ANKIB1: variants seen among roughly 807,000 people sequenced by gnomAD.
ANKIB1 encodes the protein ankyrin repeat and IBR domain-containing protein 1.
Under a neutral mutation model 122.1 loss-of-function variants are expected in ANKIB1, and 43 were observed. The ratio of observed to expected loss-of-function variants is 0.35; its 90% CI spans 0.28 to 0.45. The LOEUF (loss-of-function observed/expected upper bound fraction) is 0.45, where lower values mean the gene tolerates loss of function less well. Ranked by LOEUF, ANKIB1 falls within the 20% of genes least tolerant of loss-of-function variation. The pLI is 1.00. For missense variants in ANKIB1, 992 were observed against 1,329.5 expected, an observed-to-expected ratio of 0.75 and a Z score of 3.95; for synonymous variants, 390 against 442.0, an observed-to-expected ratio of 0.88 and a Z score of 1.48.
intron 1 of ANKIB1, among the ~76,000 whole-genome samples, chr7:92,273,438 T>C (rs939605840): frequency 1.3e-5 from 2 of 152,332 alleles, no homozygotes; most frequent in Admixed American, 6.5e-5. Flanking sequence ...GATTTATTAC[T>C]ATGAGTTTCA....
At position 92,288,035 on chromosome 7, in the gene ANKIB1, CAAA is replaced by C. The variant is rs35766675; in HGVS notation, c.-90-6834_-90-6832del. Among the ~76,000 whole-genome samples the C allele has an allele frequency of 6.7e-5, 6 of 90,180 alleles. No homozygotes were observed. In the East Asian group the frequency reaches 1.1e-3, roughly 16 times the overall value. The allele number at this position is 90,180 out of a possible 152,430, so 59.2% of individuals were successfully genotyped here. A position where few individuals can be genotyped will look rare whatever the true frequency, so the allele number is the denominator to read the frequency against. ...TGGGCGACAGAGCAAGACTCCGTCT[CAAA>C]AAAAAAAAAAAAAAAAAAACTGCCA... is the stretch of plus-strand genomic sequence containing the variant. On this transcript the variant is annotated intron_variant, in intron 1 of 19. Coordinates refer to ENST00000265742, the MANE Select transcript of ANKIB1 (RefSeq NM_019004.2).
At chr7:92,262,487 T>A (rs900156081) in intron 1 of ANKIB1, among the ~76,000 whole-genome samples, 8 of 152,274 alleles carry the variant, frequency 5.3e-5, no homozygotes, top group Admixed American at 4.6e-4. Flanking sequence ...ATAGCAGAAT[T>A]TGATTATTAT....
At chr7:92,373,513 A>G (rs1462956864) in intron 11 of ANKIB1, among the ~76,000 whole-genome samples, 2 of 152,234 alleles carry the variant, frequency 1.3e-5, no homozygotes, top group African/African-American at 4.8e-5. Flanking sequence ...CTTATAAGCT[A>G]TGTAAATGTA....
chr7:92,284,542 T>C (rs1802077332), intron 1 of ANKIB1, among the ~76,000 whole-genome samples: 1 of 152,238 alleles, frequency 6.6e-6, no homozygotes, highest in Non-Finnish European at 1.5e-5. Flanking sequence ...GTTTGACATC[T>C]CAGTTCTTAA....
chr7:92,373,974 T>C (rs983198824), intron 11 of ANKIB1, among the ~76,000 whole-genome samples: 2 of 152,206 alleles, frequency 1.3e-5, no homozygotes, highest in African/African-American at 2.4e-5. Flanking sequence ...CATTATAAAA[T>C]GTAGAAGATT....
At chr7:92,262,009 C>G (rs1020406260) in intron 1 of ANKIB1, among the ~76,000 whole-genome samples, 60 of 152,166 alleles carry the variant, frequency 3.9e-4, no homozygotes, top group African/African-American at 1.4e-3. Flanking sequence ...GGCTGTTATA[C>G]TGTGCCCTTC....
chr7:92,272,891 A>G (rs769044535), intron 1 of ANKIB1, among the ~76,000 whole-genome samples: 21 of 152,190 alleles, frequency 1.4e-4, no homozygotes, highest in African/African-American at 3.6e-4. Context: ...CTCCTAGGCT[A>G]TAAACCTGTA....
Position 92,343,144 on chromosome 7 carries a change from C to T in ANKIB1, c.908C>T (p.Pro303Leu), listed in dbSNP as rs1275236308. ...PSGYNAWDTL[P>L]SPRTPRTTRS... ...GGGTATAATGCCTGGGACACGCTCC[C>T]ATCTCCAAGAACTCCAAGGACTACA... The change falls in exon 6 of 20, where the codon CCA (proline) becomes CTA (leucine). Residue 303 changes from proline (P) to leucine (L), a missense_variant. Transcript: ENST00000265742. The T allele has an allele frequency of 6.2e-7, 1 of 1,613,956 alleles. No individual in the cohort carries two copies. The highest frequency in any genetic ancestry group is 8.5e-7 in the Non-Finnish European group (1 of 1,179,862).
At chr7:92,369,308 G>A (rs1050049584) in intron 10 of ANKIB1, among the ~76,000 whole-genome samples, 3 of 152,112 alleles carry the variant, frequency 2.0e-5, no homozygotes, top group South Asian at 2.1e-4. Context: ...GTTCATTACC[G>A]CTGTTTCTCT....
chr7:92,322,392 C>A (rs911992784), intron 4 of ANKIB1, among the ~76,000 whole-genome samples: 2 of 151,950 alleles, frequency 1.3e-5, no homozygotes, highest in Non-Finnish European at 2.9e-5. Flanking sequence ...CTACTATGTA[C>A]AAGAAGAATA....
At chr7:92,352,449 T>G (rs1324292882) in intron 8 of ANKIB1, 27 bp from the exon 9 acceptor site, 1 of 1,608,910 alleles carries the variant, frequency 6.2e-7, no homozygotes. Context: ...TATTTTCTTT[T>G]GTGTTTTGTT....
chr7:92,362,154 A>C (rs1443980835), intron 9 of ANKIB1, 31 bp from the exon 10 acceptor site: 3 of 1,553,652 alleles, frequency 1.9e-6, no homozygotes, highest in Admixed American at 1.9e-5. Context: ...GAATATTTTA[A>C]AATTGTCTTT....
intron 19 of ANKIB1, 144 bp downstream of exon 19, chr7:92,398,003 T>C (rs1217736588): frequency 2.4e-6 from 3 of 1,252,864 alleles, no homozygotes; most frequent in Non-Finnish European, 3.2e-6. Context: ...GGAAAAGATA[T>C]TCCTATATTT....
Position 92,398,726 on chromosome 7 carries a change from T to C in ANKIB1, c.3047T>C (p.Leu1016Pro). 6.2e-7 allele frequency: 1 copy of C among 1,613,486 alleles called. No individual in the cohort carries two copies. Among genetic ancestry groups the C allele is most frequent in the Non-Finnish European group, 8.5e-7 (1 of 1,179,610 alleles). The part of the protein sequence containing the change: ...DGSEGVKDVE[L>P]VLPEDSMFED... ...TCAGAAGGTGTGAAGGATGTGGAAC[T>C]GGTGCTGCCAGAAGATTCAATGTTT... The change falls in exon 20 of 20, where the codon CTG (leucine) becomes CCG (proline). Residue 1016 changes from leucine to proline, a missense_variant. Leu to Pro is a moderately conservative substitution (Grantham distance 98). This residue lies in a region of ANKIB1 where 384 missense variants were observed against 412.0 expected (regional missense o/e 0.93). Coordinates refer to ENST00000265742, the MANE Select transcript of ANKIB1 (RefSeq NM_019004.2).
At chr7:92,252,248 A>C (rs1295877565) in intron 1 of ANKIB1, among the ~76,000 whole-genome samples, 1 of 152,086 alleles carries the variant, frequency 6.6e-6, no homozygotes, top group Admixed American at 6.5e-5. Context: ...GTTTCTCATC[A>C]ACCCTCCACT....
chr7:92,386,656 A>G lies in ANKIB1; in HGVS notation c.1752+13A>G, dbSNP rs1221942372. On this transcript the variant is annotated intron_variant, in intron 12 of 19. Coordinates refer to ENST00000265742, the MANE Select transcript of ANKIB1 (RefSeq NM_019004.2). ...AATGACTGTGGAGGTAAAGAGAACCAATTAAGCCAAGACATCTCTCTAAAC... is the reference window on the plus strand; with the variant it reads ...AATGACTGTGGAGGTAAAGAGAACCGATTAAGCCAAGACATCTCTCTAAAC... 8 of 1,585,134 alleles carry G rather than the reference A, an allele frequency of 5.0e-6. No homozygotes were observed. Among genetic ancestry groups the G allele is most frequent in the African/African-American group, 1.4e-5 (1 of 73,764 alleles).
At chr7:92,368,533 A>G (rs1290065035) in intron 10 of ANKIB1, among the ~76,000 whole-genome samples, 1 of 152,052 alleles carries the variant, frequency 6.6e-6, no homozygotes, top group Non-Finnish European at 1.5e-5. Context: ...CCAAGTCAAC[A>G]TGGTGAAACC....
chr7:92,318,696 C>G (rs1358878455), intron 3 of ANKIB1, among the ~76,000 whole-genome samples: 12 of 152,170 alleles, frequency 7.9e-5, no homozygotes, highest in Non-Finnish European at 1.5e-4. Flanking sequence ...CTAAACAAGT[C>G]AAGCTACTAT....
intron 5 of ANKIB1, among the ~76,000 whole-genome samples, chr7:92,334,788 C>T (rs1242641975): frequency 2.0e-5 from 3 of 151,840 alleles, no homozygotes; most frequent in African/African-American, 7.2e-5. Flanking sequence ...ATATCAATAG[C>T]TATATGACTA....
Sources: allele counts gnomAD v4.1 joint callset (sites outside exome capture counted in the v4.1 genomes callset), GRCh38; gene constraint gnomAD v4.1.1; regional missense constraint gnomAD v4.1.1; transcripts MANE v1.5; gene names NCBI Gene and HGNC (gene_info 2026-07-23, HGNC 2026-07-21).